Variants in SAMD12 observed in about 807,000 individuals in gnomAD.
SAMD12 encodes sterile alpha motif domain-containing protein 12.
In SAMD12, 9 loss-of-function variants were observed where a neutral mutation model predicts 15.0. That is an observed-to-expected ratio of 0.60 (90% CI 0.36 to 1.05). The LOEUF (loss-of-function observed/expected upper bound fraction) is 1.05, where lower values mean the gene tolerates loss of function less well. SAMD12 is among the 50% of genes least tolerant of loss of function. SAMD12 has a pLI of 0.01. For missense variants in SAMD12, 230 were observed against 234.2 expected, an observed-to-expected ratio of 0.98 and a Z score of 0.12; for synonymous variants, 86 against 90.1, an observed-to-expected ratio of 0.96 and a Z score of 0.25.
intron 4 of SAMD12, among the ~76,000 whole-genome samples, chr8:118,217,455 T>G (rs1354855755): frequency 1.3e-5 from 2 of 152,210 alleles, no homozygotes; most frequent in Admixed American, 1.3e-4. Flanking sequence ...GATTCAGAAC[T>G]GGGTAAGGGA....
At chr8:118,237,553 T>A (rs1455725283) in intron 4 of SAMD12, among the ~76,000 whole-genome samples, 1 of 152,062 alleles carries the variant, frequency 6.6e-6, no homozygotes, top group African/African-American at 2.4e-5. Context: ...GGAAGCCCTG[T>A]CTATGGGAAT....
Position 118,535,482 on chromosome 8 carries a change from C to G in SAMD12, c.192+45233G>C, listed in dbSNP as rs1489780365. On this transcript the variant is annotated intron_variant, in intron 2 of 3. Transcript: ENST00000314727. ...CACTACTCTCTTCAAAGGTGTCAGA[C>G]AGGGATGTTTAAGTCTGCAGAAGTT... Among the ~76,000 whole-genome samples, 9 of 152,374 alleles carry G rather than the reference C, an allele frequency of 5.9e-5. No individual in the cohort carries two copies. In the East Asian group the frequency reaches 1.7e-3, roughly 29 times the overall value.
At chr8:118,326,451 G>C (rs1474070901) in intron 4 of SAMD12, among the ~76,000 whole-genome samples, 1 of 152,146 alleles carries the variant, frequency 6.6e-6, no homozygotes, top group African/African-American at 2.4e-5. Context: ...TCTGATGACT[G>C]AGTGACTTAC....
intron 2 of SAMD12, among the ~76,000 whole-genome samples, chr8:118,463,021 A>G (rs1563875395): frequency 6.8e-6 from 1 of 146,964 alleles, no homozygotes. Flanking sequence ...GAATGGCGTG[A>G]ACCCGGGAGG....
chr8:118,408,532 C>A (rs1821244931), intron 3 of SAMD12, among the ~76,000 whole-genome samples: 1 of 152,194 alleles, frequency 6.6e-6, no homozygotes, highest in African/African-American at 2.4e-5. Context: ...CTGGAAGAAG[C>A]AAGGTAGTCT....
intron 2 of SAMD12, among the ~76,000 whole-genome samples, chr8:118,486,437 G>T (rs907436427): frequency 1.3e-5 from 2 of 150,920 alleles, no homozygotes; most frequent in Non-Finnish European, 3.0e-5. Context: ...GAGAGAGAGA[G>T]TAGCAAAAGA....
At chr8:118,238,419 C>T (rs1167957515) in intron 4 of SAMD12, among the ~76,000 whole-genome samples, 1 of 152,040 alleles carries the variant, frequency 6.6e-6, no homozygotes, top group Non-Finnish European at 1.5e-5. Flanking sequence ...GTTGTGCAAA[C>T]GGAATTTCCT....
intron 2 of SAMD12, among the ~76,000 whole-genome samples, chr8:118,562,073 A>G (rs760397579): frequency 2.6e-5 from 4 of 152,234 alleles, no homozygotes; most frequent in Non-Finnish European, 5.9e-5. Context: ...GAATGACGAG[A>G]TGGATGAGAA....
In SAMD12 at chr8:118,228,421, C is replaced by T. The variant is rs374899382; in HGVS notation, c.434-30689G>A. On this transcript the variant is annotated intron_variant, in intron 4 of 4. Transcript: ENST00000409003. ...TAATATCCAGGATTTACAACAAACT[C>T]AAACAAGTCAGTAAGAAAAAGAAAA... 5.9e-5 allele frequency among the ~76,000 whole-genome samples: 9 copies of T among 152,144 alleles called. No individual in the cohort carries two copies. The East Asian group carries it at 1.3e-3, about 23-fold the overall frequency.
chr8:118,564,841 C>T (rs1390526034), intron 2 of SAMD12, among the ~76,000 whole-genome samples: 1 of 152,180 alleles, frequency 6.6e-6, no homozygotes, highest in African/African-American at 2.4e-5. Flanking sequence ...AGCTATCTTC[C>T]ACGCAGTGAC....
intron 1 of SAMD12, among the ~76,000 whole-genome samples, chr8:118,606,179 G>A (rs1827982179): frequency 6.6e-6 from 1 of 152,056 alleles, no homozygotes; most frequent in African/African-American, 2.4e-5. Context: ...TAGTCTGGCT[G>A]CCTTCATCCA....
intron 4 of SAMD12, among the ~76,000 whole-genome samples, chr8:118,345,153 G>T (rs1267270504): frequency 1.3e-5 from 2 of 151,906 alleles, no homozygotes; most frequent in Non-Finnish European, 2.9e-5. Context: ...TCTTTTCTAG[G>T]TTTAAACATA....
intron 4 of SAMD12, among the ~76,000 whole-genome samples, chr8:118,298,712 A>T (rs368471747): frequency 6.6e-6 from 1 of 152,226 alleles, no homozygotes; most frequent in East Asian, 1.9e-4. Flanking sequence ...ATTTATAGTA[A>T]CAAAAATTGC....
rs763219625 is a variant in SAMD12, at chr8:118,492,728, A to G, written c.193-52767T>C. On this transcript the variant is annotated intron_variant, in intron 2 of 3. Coordinates refer to ENST00000314727, the MANE Select transcript of SAMD12 (RefSeq NM_207506.3). ...GCATGTAAAATGATACTGGACATAA[A>G]GAGGGAACTTGAAAAATATTCTGAA... 9.8e-5 allele frequency among the ~76,000 whole-genome samples: 15 copies of G among 152,356 alleles called. No individual in the cohort carries two copies. The South Asian group carries it at 2.5e-3, about 25-fold the overall frequency.
intron 2 of SAMD12, among the ~76,000 whole-genome samples, chr8:118,441,101 G>A (rs1822746384): frequency 6.6e-6 from 1 of 152,104 alleles, no homozygotes; most frequent in Admixed American, 6.5e-5. Flanking sequence ...AACACCTGCT[G>A]ACATGTGTGT....
intron 3 of SAMD12, among the ~76,000 whole-genome samples, chr8:118,415,733 G>A (rs886474612): frequency 6.6e-6 from 1 of 152,188 alleles, no homozygotes; most frequent in South Asian, 2.1e-4. Flanking sequence ...GGATAAACAG[G>A]CTTCTTTTCC....
intron 4 of SAMD12, among the ~76,000 whole-genome samples, chr8:118,281,593 T>C (rs1427611697): frequency 6.6e-6 from 1 of 152,230 alleles, no homozygotes; most frequent in Non-Finnish European, 1.5e-5. Context: ...GTAGTGAGAA[T>C]GTGTCATCTA....
In SAMD12 at chr8:118,413,199, G is replaced by A. The variant is rs1393384233; in HGVS notation, c.322+26633C>T. 1.3e-3 allele frequency among the ~76,000 whole-genome samples: 194 copies of A among 152,228 alleles called. 1 individual carries two copies. Among genetic ancestry groups the A allele is most frequent in the Non-Finnish European group, 1.0e-4 (7 of 68,020 alleles). Reference sequence around the variant, plus strand: ...TCAGCAAATGTAGCCTAAATCACCAGGAGACAAACTTGTGAGCTAATTAAT... The same window carrying A: ...TCAGCAAATGTAGCCTAAATCACCAAGAGACAAACTTGTGAGCTAATTAAT... On this transcript the variant is annotated intron_variant, in intron 3 of 3. Transcript: ENST00000314727.
At chr8:118,575,175 C>T (rs764698468) in intron 2 of SAMD12, among the ~76,000 whole-genome samples, 4 of 152,190 alleles carry the variant, frequency 2.6e-5, no homozygotes, top group African/African-American at 7.2e-5. Context: ...TCCAGGCCAG[C>T]TCCTTTAACT....
Sources: allele counts gnomAD v4.1 joint callset (sites outside exome capture counted in the v4.1 genomes callset), GRCh38; gene constraint gnomAD v4.1.1; transcripts MANE v1.5; gene names NCBI Gene and HGNC (gene_info 2026-07-23, HGNC 2026-07-21).